ZNF841: variants seen among roughly 807,000 people sequenced by gnomAD.
The protein encoded by ZNF841 is TCONS_00006091.
In ZNF841, 11 loss-of-function variants were observed where a neutral mutation model predicts 13.0. The ratio of observed to expected loss-of-function variants is 0.85; its 90% CI spans 0.53 to 1.40. The LOEUF is 1.40. Ranked by LOEUF, ZNF841 falls within the 40% of genes most tolerant of loss-of-function variation. The pLI is 0.00. For missense variants in ZNF841, 1,068 were observed against 1,139.5 expected, an observed-to-expected ratio of 0.94 and a Z score of 0.90; for synonymous variants, 369 against 381.6, an observed-to-expected ratio of 0.97 and a Z score of 0.38.
At chr19:52,090,681 A>AGGAG (rs2088455596) in intron 2 of ZNF841, among the ~76,000 whole-genome samples, 1 of 149,544 alleles carries the variant, frequency 6.7e-6, no homozygotes, top group Non-Finnish European at 1.5e-5. Flanking sequence ...GAAAGAAAGA[A>AGGAG]AGAAAGAAAG....
At chr19:52,090,646 GGAAGGAAGGAAAGAAA>G (rs1376364575) in intron 2 of ZNF841, among the ~76,000 whole-genome samples, 25 of 81,766 alleles carry the variant, frequency 3.1e-4, no homozygotes, top group African/African-American at 1.4e-3. Flanking sequence ...AAGGAAGGAA[GGAAGGAAGGAAAGAAA>G]GAAAGAAAGA....
intron 2 of ZNF841, among the ~76,000 whole-genome samples, chr19:52,090,630 A>AGAAGGAAGGAAGGAAGGAAG (rs781211199): frequency 1.8e-4 from 16 of 90,612 alleles, no homozygotes; most frequent in African/African-American, 7.3e-4. Flanking sequence ...AAAGAAAGAA[A>AGAAGGAAGGAAGGAAGGAAG]GAAGGAAGGA....
chr19:52,066,860 C>G lies in ZNF841; in HGVS notation c.1022G>C (p.Gly341Ala). The change falls in exon 7 of 7, where the codon GGA becomes GCA. Residue 341 changes from glycine to alanine, a missense_variant. Transcript: ENST00000594440. Reference protein sequence around the residue: ...DLVNHRRSHTGDKPYICNECG... With the variant: ...DLVNHRRSHTADKPYICNECG... ...TTCATTACATATGTAGGGTTTGTCT[C>G]CAGTGTGACTTCTCCGGTGATTTAC... 1.2e-6 allele frequency: 2 copies of G among 1,614,180 alleles called. No individual in the cohort carries two copies.
intron 4 of ZNF841, among the ~76,000 whole-genome samples, chr19:52,083,480 A>T (rs1007123638): frequency 2.6e-5 from 4 of 152,092 alleles, no homozygotes; most frequent in African/African-American, 9.7e-5. Context: ...GGATCTAAAA[A>T]AAATAAAAAT....
chr19:52,067,498 A>C lies in ZNF841; in HGVS notation c.384T>G (p.Asn128Lys). The C allele has an allele frequency of 6.3e-7, 1 of 1,581,074 alleles. No homozygotes were observed. Residue 128 changes from asparagine to lysine, a missense_variant, in exon 7 of 7, where the codon AAT (asparagine) becomes AAG (lysine). Asn to Lys is a moderately conservative substitution (Grantham distance 94). Transcript: ENST00000594440. ...LEGHESYDTE[N>K]FYFREIRKNL... The stretch of plus-strand genomic sequence containing the variant: ...TTTTCCGGATTTCCCTGAAGTAAAA[A>C]TTTTCAGTGTCATAGCTTTCATGTC...
intron 1 of ZNF841, among the ~76,000 whole-genome samples, chr19:52,094,528 C>T (rs16983472): frequency 0.084 from 12,716 of 151,958 alleles, 1,597 homozygotes; most frequent in African/African-American, 0.28. Context: ...TCCGATTGTC[C>T]CCAATCTCCA....
intron 4 of ZNF841, among the ~76,000 whole-genome samples, chr19:52,078,891 A>C (rs2087999740): frequency 6.6e-6 from 1 of 152,192 alleles, no homozygotes; most frequent in African/African-American, 2.4e-5. Flanking sequence ...GATGTTGTAA[A>C]TAAAAACCAA....
chr19:52,064,216 A>G (rs947423653), downstream of ZNF841, among the ~76,000 whole-genome samples: 4 of 151,812 alleles, frequency 2.6e-5, no homozygotes, highest in African/African-American at 4.8e-5. Context: ...CGCGGTGGCG[A>G]GCGCCTGTAG....
chr19:52,062,843 A>G (rs898539702), downstream of ZNF841, among the ~76,000 whole-genome samples: 4 of 148,420 alleles, frequency 2.7e-5, no homozygotes, highest in African/African-American at 1.0e-4. Context: ...CCATAGTATG[A>G]TTTACCTAAC....
intron 3 of ZNF841, among the ~76,000 whole-genome samples, chr19:52,085,252 G>A (rs1338501522): frequency 1.3e-5 from 2 of 152,198 alleles, no homozygotes; most frequent in Non-Finnish European, 2.9e-5. Context: ...CTCAATGCTG[G>A]ATACAAATTA....
downstream of ZNF841, among the ~76,000 whole-genome samples, chr19:52,061,632 C>T (rs1442162551): frequency 2.0e-5 from 3 of 152,174 alleles, no homozygotes; most frequent in Admixed American, 6.5e-5. Context: ...CTGCAACCTC[C>T]ACCTCCCAGG....
At chr19:52,073,204 A>T (rs555377930) in intron 6 of ZNF841, among the ~76,000 whole-genome samples, 1 of 152,330 alleles carries the variant, frequency 6.6e-6, no homozygotes, top group African/African-American at 2.4e-5. Flanking sequence ...TTAATTCAAG[A>T]TGAATAACGA....
At chr19:52,093,563 T>C (rs1378886285) in intron 2 of ZNF841, among the ~76,000 whole-genome samples, 1 of 152,186 alleles carries the variant, frequency 6.6e-6, no homozygotes, top group Non-Finnish European at 1.5e-5. Flanking sequence ...TATACTATAT[T>C]GGACACTTTA....
chr19:52,076,505 C>T (rs906905069), intron 5 of ZNF841: 1 of 297,646 alleles, frequency 3.4e-6, no homozygotes, highest in African/African-American at 2.2e-5. Flanking sequence ...TCTACCTGGG[C>T]ATGGTGTTGC....
Position 52,067,403 on chromosome 19 carries a change from T to C in ZNF841, c.479A>G (p.Lys160Arg). ...INYKEGPMTH[K>R]NNLTGQRVRH... ...AACTCTTTGACCAGTAAGATTGTTT[T>C]TATGGGTCATCGGCCCTTCTTTATA... is the stretch of plus-strand genomic sequence containing the variant. The change falls in exon 7 of 7, where the codon AAA (lysine) becomes AGA (arginine). Residue 160 changes from lysine to arginine, a missense_variant. By Grantham distance (26) the Lys-to-Arg change is conservative. Coordinates refer to ENST00000594440, the MANE Select transcript of ZNF841 (RefSeq NM_001136499.2). The C allele has an allele frequency of 6.5e-7, 1 of 1,546,722 alleles. No homozygotes were observed. The highest frequency in any genetic ancestry group is 8.7e-7 in the Non-Finnish European group (1 of 1,145,216).
Position 52,065,638 on chromosome 19 carries a change from G to A in ZNF841, c.2244C>T (p.Ser748=). 1.2e-6 allele frequency: 2 copies of A among 1,608,312 alleles called. No individual in the cohort carries two copies. The highest frequency in any genetic ancestry group is 8.5e-7 in the Non-Finnish European group (1 of 1,177,076). The part of the protein sequence containing the change: ...KCIECGKVFN[S]TTTLARHRRI... ...TCCGATGCCTTGCCAGGGTTGTAGT[G>A]GAGTTAAAGACTTTCCCACATTCAA... Residue 748 remains serine (S), a synonymous_variant, in exon 7 of 7, where the codon TCC becomes TCT. Coordinates refer to ENST00000594440, the MANE Select transcript of ZNF841 (RefSeq NM_001136499.2).
At chr19:52,093,804 T>C (rs1450154650) in intron 2 of ZNF841, 42 bp downstream of exon 2, 1 of 152,114 alleles carries the variant, frequency 6.6e-6, no homozygotes, top group East Asian at 1.9e-4. Context: ...AGTAAATTCA[T>C]TACAAAAAAA....
At chr19:52,062,696 G>C (rs1467508235), downstream of ZNF841, among the ~76,000 whole-genome samples, 1 of 152,076 alleles carries the variant, frequency 6.6e-6, no homozygotes, top group African/African-American at 2.4e-5. Context: ...TTTATATACT[G>C]AATTGGCCAT....
downstream of ZNF841, among the ~76,000 whole-genome samples, chr19:52,063,966 T>C (rs549593578): frequency 6.9e-6 from 1 of 144,254 alleles, no homozygotes; most frequent in Non-Finnish European, 1.5e-5. Context: ...GACCTTTAAG[T>C]AGTATTCTTG....
Sources: allele counts gnomAD v4.1 joint callset (sites outside exome capture counted in the v4.1 genomes callset), GRCh38; gene constraint gnomAD v4.1.1; transcripts MANE v1.5; gene names NCBI Gene and HGNC (gene_info 2026-07-23, HGNC 2026-07-21).